Variants in MAML2 observed in about 807,000 individuals in gnomAD.
MAML2 encodes the protein mastermind like transcriptional coactivator 2.
A neutral mutation model predicts 96.1 loss-of-function variants in MAML2; 22 were observed. That is an observed-to-expected ratio of 0.23 (90% confidence interval 0.16 to 0.33). MAML2 has a LOEUF of 0.33. Ranked by LOEUF, MAML2 falls within the 10% of genes least tolerant of loss-of-function variation. The pLI is 1.00. For synonymous variants in MAML2, 561 were observed against 521.3 expected (o/e 1.08, Z -1.04); for missense variants, 1,367 against 1,392.4 (o/e 0.98, Z 0.29).
chr11:95,993,262 A>G lies in MAML2; in HGVS notation c.2140-1539T>C, dbSNP rs545297244. ...CACCAACTAAACTATGTAAGGTTAC[A>G]AGACATAAAAACATTAAGCAGGGAG... On this transcript the variant is annotated intron_variant, in intron 2 of 4. Transcript: ENST00000524717. Among the ~76,000 whole-genome samples, 8 of 152,166 alleles carry G rather than the reference A, an allele frequency of 5.3e-5. No homozygotes were observed. In the South Asian group the frequency reaches 1.5e-3, roughly 28 times the overall value.
At chr11:96,248,232 C>T (rs966888333) in intron 1 of MAML2, among the ~76,000 whole-genome samples, 4 of 151,384 alleles carry the variant, frequency 2.6e-5, no homozygotes, top group Non-Finnish European at 5.9e-5. Context: ...CCTACCTCAG[C>T]CTCCCGGGTA....
At chr11:96,126,905 TG>T (rs36054141) in intron 1 of MAML2, among the ~76,000 whole-genome samples, 42,605 of 146,048 alleles carry the variant, frequency 0.29, 6,255 homozygotes, top group African/African-American at 0.37. Flanking sequence ...GGTATGGACA[TG>T]GGGGGGGTCA....
At chr11:96,231,838 G>A (rs192261087) in intron 1 of MAML2, among the ~76,000 whole-genome samples, 1 of 152,100 alleles carries the variant, frequency 6.6e-6, no homozygotes. Flanking sequence ...TAAAAAATAT[G>A]TCACCAATCT....
intron 1 of MAML2, among the ~76,000 whole-genome samples, chr11:96,211,057 G>A (rs527353592): frequency 1.3e-5 from 2 of 152,198 alleles, no homozygotes; most frequent in East Asian, 3.9e-4. Flanking sequence ...ATAATAATCA[G>A]AAATTTGGAG....
chr11:96,084,804 T>A (rs1472499701), intron 2 of MAML2, among the ~76,000 whole-genome samples: 3 of 152,154 alleles, frequency 2.0e-5, no homozygotes, highest in Admixed American at 1.3e-4. Flanking sequence ...ACCTGTGGAC[T>A]ACCAAGCAGG....
intron 2 of MAML2, among the ~76,000 whole-genome samples, chr11:96,031,101 G>A (rs146803005): frequency 0.012 from 1,766 of 152,244 alleles, 12 homozygotes; most frequent in Admixed American, 0.021. Context: ...TAGCACGTAC[G>A]TTTCCTAGGG....
chr11:96,319,227 C>G (rs1863671200), intron 1 of MAML2, among the ~76,000 whole-genome samples: 1 of 152,154 alleles, frequency 6.6e-6, no homozygotes, highest in Non-Finnish European at 1.5e-5. Flanking sequence ...TGGGAGTGAA[C>G]TTGGAAGCAG....
chr11:96,248,900 C>T (rs910329182), intron 1 of MAML2, among the ~76,000 whole-genome samples: 83 of 152,192 alleles, frequency 5.5e-4, no homozygotes, highest in African/African-American at 1.9e-3. Context: ...TATTCAAGAA[C>T]TTTGCAAGCT....
At chr11:96,088,228 G>A (rs969657550) in intron 2 of MAML2, among the ~76,000 whole-genome samples, 1 of 152,188 alleles carries the variant, frequency 6.6e-6, no homozygotes, top group Non-Finnish European at 1.5e-5. Flanking sequence ...ACAAATTTAT[G>A]TTTCAGTCAT....
intron 1 of MAML2, among the ~76,000 whole-genome samples, chr11:96,174,546 G>C (rs1009926758): frequency 3.3e-5 from 5 of 152,142 alleles, no homozygotes; most frequent in African/African-American, 1.2e-4. Context: ...GCCATGCCCA[G>C]CTAATTTTTG....
chr11:95,993,354 G>A (rs1342108415), intron 2 of MAML2, among the ~76,000 whole-genome samples: 4 of 152,124 alleles, frequency 2.6e-5, no homozygotes, highest in East Asian at 1.9e-4. Context: ...GTTCACCTGA[G>A]GTCAGGAGTT....
intron 2 of MAML2, among the ~76,000 whole-genome samples, chr11:96,059,999 C>A (rs542339617): frequency 6.6e-6 from 1 of 152,180 alleles, no homozygotes; most frequent in South Asian, 2.1e-4. Context: ...TTTATCTCTG[C>A]TGAAGGCGAA....
At chr11:96,054,968 T>C (rs1859040291) in intron 2 of MAML2, among the ~76,000 whole-genome samples, 1 of 152,176 alleles carries the variant, frequency 6.6e-6, no homozygotes, top group Admixed American at 6.5e-5. Context: ...TAGCAATCAG[T>C]CCATTCATTT....
At chr11:96,291,435 C>A (rs952941085) in intron 1 of MAML2, among the ~76,000 whole-genome samples, 2 of 151,976 alleles carry the variant, frequency 1.3e-5, no homozygotes, top group Non-Finnish European at 2.9e-5. Flanking sequence ...CCTTCATAAG[C>A]CTTTGTTTAT....
chr11:95,980,155 G>A (rs1302095746), intron 4 of MAML2, among the ~76,000 whole-genome samples, 192 bp from the exon 5 acceptor site: 1 of 152,082 alleles, frequency 6.6e-6, no homozygotes, highest in Non-Finnish European at 1.5e-5. Context: ...GTCACTTTTT[G>A]GTTCAGAAGT....
chr11:96,341,874 G>T lies in MAML2; in HGVS notation c.22C>A (p.Gln8Lys), dbSNP rs1406291769. The T allele has an allele frequency of 6.5e-7, 1 of 1,537,254 alleles. No individual in the cohort carries two copies. The highest frequency in any genetic ancestry group is 8.7e-7 in the Non-Finnish European group (1 of 1,145,326). ...CCCCCTAGCCCTCCTGCGGGGGCCT[G>T]CGGGGGCGCTGTGTCCCCCATCTTA... MGDTAPPQAPAGGLGGAS... is the reference protein window; with the variant it reads MGDTAPPKAPAGGLGGAS... Residue 8 changes from glutamine to lysine, a missense_variant, in exon 1 of 5, where the codon CAG becomes AAG. Transcript: ENST00000524717.
chr11:96,102,132 C>T (rs991825425), intron 1 of MAML2, among the ~76,000 whole-genome samples: 1 of 152,074 alleles, frequency 6.6e-6, no homozygotes, highest in African/African-American at 2.4e-5. Context: ...AAAAATTAGC[C>T]GGGCGTGGTG....
intron 1 of MAML2, among the ~76,000 whole-genome samples, chr11:96,329,679 T>A (rs1191399978): frequency 6.6e-6 from 1 of 152,210 alleles, no homozygotes; most frequent in African/African-American, 2.4e-5. Flanking sequence ...GAACCTTCAA[T>A]ACCCAATCCC....
intron 2 of MAML2, among the ~76,000 whole-genome samples, chr11:96,020,461 C>T (rs1024626755): frequency 1.3e-5 from 2 of 152,204 alleles, no homozygotes; most frequent in Admixed American, 6.5e-5. Context: ...TAGGTCAGGA[C>T]TTTGCAAACT....
Sources: gnomAD v4.1 joint callset for allele counts (sites outside exome capture counted in the v4.1 genomes callset) on GRCh38, gnomAD v4.1.1 for gene constraint, MANE v1.5 for transcripts, NCBI Gene and HGNC (gene_info 2026-07-23, HGNC 2026-07-21) for gene names.